The following AKAP19 variants were observed in gnomAD, a reference collection of about 807,000 sequenced individuals.
AKAP19 encodes the protein small A-kinase anchoring protein.
At chr2:189,945,872 T>G in the AKAP19 span, among the ~76,000 whole-genome samples, 3 of 152,180 alleles carry the variant, frequency 2.0e-5, no homozygotes, top group East Asian at 5.8e-4. Flanking sequence ...GCTCTACATA[T>G]ATGTCTGGAC....
the AKAP19 span, among the ~76,000 whole-genome samples, chr2:189,981,664 A>C: frequency 6.6e-6 from 1 of 152,142 alleles, no homozygotes; most frequent in African/African-American, 2.4e-5. Flanking sequence ...CATGGTTAGA[A>C]CTATTTTTAG....
At chr2:189,978,053 C>T in the AKAP19 span, among the ~76,000 whole-genome samples, 1 of 152,082 alleles carries the variant, frequency 6.6e-6, no homozygotes, top group Non-Finnish European at 1.5e-5. Flanking sequence ...TTAAGGTGGG[C>T]TAGGCTAAGC....
chr2:190,154,569 C>A, the AKAP19 span, among the ~76,000 whole-genome samples: 1 of 152,168 alleles, frequency 6.6e-6, no homozygotes, highest in African/African-American at 2.4e-5. Flanking sequence ...AAATCACTGC[C>A]TGTGCTTTAT....
At chr2:190,065,462 C>T in the AKAP19 span, among the ~76,000 whole-genome samples, 1 of 152,028 alleles carries the variant, frequency 6.6e-6, no homozygotes, top group Non-Finnish European at 1.5e-5. Context: ...TGTATATTTA[C>T]CACAATTTTA....
the AKAP19 span, among the ~76,000 whole-genome samples, chr2:190,082,595 G>A: frequency 1.3e-5 from 2 of 152,124 alleles, no homozygotes; most frequent in African/African-American, 4.8e-5. Context: ...TGTTTTCACG[G>A]GCAGTTTTAC....
the AKAP19 span, among the ~76,000 whole-genome samples, chr2:189,977,073 C>T: frequency 6.6e-6 from 1 of 152,204 alleles, no homozygotes; most frequent in African/African-American, 2.4e-5. Context: ...ATCGCTCACG[C>T]TGGGAGCTGT....
the AKAP19 span, among the ~76,000 whole-genome samples, chr2:190,173,647 C>T: frequency 1.6e-4 from 25 of 152,306 alleles, no homozygotes; most frequent in Middle Eastern, 3.4e-3. Context: ...GGGAAGCTCA[C>T]CATTTCACAA....
At chr2:190,057,333 T>C in the AKAP19 span, 1 of 1,613,478 alleles carries the variant, frequency 6.2e-7, no homozygotes, top group Admixed American at 1.7e-5. Context: ...CATTAAAATA[T>C]AGCATATTAA....
the AKAP19 span, chr2:190,180,776 C>T: frequency 1.0e-6 from 1 of 985,296 alleles, no homozygotes; most frequent in Non-Finnish European, 1.2e-6. The surrounding 1 kb of genome is among the most constrained non-coding windows in gnomAD (Gnocchi z 6.8). Flanking sequence ...GGGCCGCGAA[C>T]CCGCGAGGAG....
chr2:189,987,691 C>G, the AKAP19 span, among the ~76,000 whole-genome samples: 4 of 152,168 alleles, frequency 2.6e-5, no homozygotes, highest in Non-Finnish European at 4.4e-5. Context: ...AATATCAGAC[C>G]AGATGTAACC....
the AKAP19 span, among the ~76,000 whole-genome samples, chr2:190,112,043 A>G: frequency 1.3e-5 from 2 of 152,194 alleles, no homozygotes; most frequent in East Asian, 1.9e-4. Flanking sequence ...GACCACAGGC[A>G]CCTGCCACCA....
At chr2:190,041,177 T>G in the AKAP19 span, among the ~76,000 whole-genome samples, 5 of 152,290 alleles carry the variant, frequency 3.3e-5, no homozygotes, top group Admixed American at 3.3e-4. Context: ...TTAAATTTGT[T>G]TGTGTCTTCT....
At chr2:190,146,124 C>T in the AKAP19 span, among the ~76,000 whole-genome samples, 16 of 151,780 alleles carry the variant, frequency 1.1e-4, no homozygotes, top group African/African-American at 3.6e-4. Context: ...TACACTGTAC[C>T]GTATTTGTAG....
chr2:190,036,086 G>A, the AKAP19 span, among the ~76,000 whole-genome samples: 1 of 152,080 alleles, frequency 6.6e-6, no homozygotes, highest in Non-Finnish European at 1.5e-5. Flanking sequence ...ATTTTTTAGC[G>A]TTAAATTTCT....
chr2:190,078,450 A>G, the AKAP19 span, among the ~76,000 whole-genome samples: 1 of 152,222 alleles, frequency 6.6e-6, no homozygotes, highest in Non-Finnish European at 1.5e-5. Context: ...TAAAGCACTT[A>G]TGATAAGAAA....
At chr2:189,963,827 G>A in the AKAP19 span, among the ~76,000 whole-genome samples, 5 of 151,356 alleles carry the variant, frequency 3.3e-5, 1 homozygote, top group South Asian at 4.2e-4. Context: ...GCAGTGGTGC[G>A]ATCACAGCTC....
chr2:189,948,888 G>A, the AKAP19 span, among the ~76,000 whole-genome samples: 2 of 151,156 alleles, frequency 1.3e-5, no homozygotes, highest in African/African-American at 4.9e-5. Flanking sequence ...AGATTATGTA[G>A]GTATTTAAAC....
At chr2:190,074,755 G>A in the AKAP19 span, among the ~76,000 whole-genome samples, 1 of 152,100 alleles carries the variant, frequency 6.6e-6, no homozygotes, top group Non-Finnish European at 1.5e-5. Context: ...TTAAGTAGAT[G>A]GACTATATAA....
At chr2:189,983,094 A>G in the AKAP19 span, among the ~76,000 whole-genome samples, 1 of 152,148 alleles carries the variant, frequency 6.6e-6, no homozygotes, top group African/African-American at 2.4e-5. Flanking sequence ...GTTGGGGTGC[A>G]TTGAGGTCTT....
Sources: allele counts gnomAD v4.1 joint callset (sites outside exome capture counted in the v4.1 genomes callset), GRCh38; gene constraint gnomAD v4.1.1; non-coding constraint Gnocchi (gnomAD v3.1); transcripts MANE v1.5; gene names NCBI Gene and HGNC (gene_info 2026-07-23, HGNC 2026-07-21).